Variants in DHRS12 observed in about 807,000 individuals in gnomAD.
DHRS12 encodes the protein dehydrogenase/reductase SDR family member 12.
A neutral mutation model predicts 32.1 loss-of-function variants in DHRS12; 29 were observed. That is an observed-to-expected ratio of 0.90 (90% CI 0.67 to 1.23). DHRS12 has a LOEUF of 1.23. Ranked by LOEUF, DHRS12 falls within the 50% of genes most tolerant of loss-of-function variation. DHRS12 has a pLI of 0.00. For missense variants in DHRS12, 330 were observed against 337.2 expected (o/e 0.98, Z 0.17); for synonymous variants, 150 against 135.9 (o/e 1.10, Z -0.72).
downstream of DHRS12, chr13:51,763,150 A>C (rs1196515141): frequency 6.6e-6 from 1 of 152,232 alleles, no homozygotes; most frequent in African/African-American, 2.4e-5. Flanking sequence ...AAACAAGAGA[A>C]TCTAAAAGAA....
chr13:51,769,378 G>C, intron 7 of DHRS12, 85 bp from the exon 8 acceptor site: 1 of 976,128 alleles, frequency 1.0e-6, no homozygotes, highest in Non-Finnish European at 1.4e-6. Context: ...AAAAAAAAAA[G>C]TGCAAAAATG....
At chr13:51,759,841 G>C in the DHRS12 span, 3 of 1,481,686 alleles carry the variant, frequency 2.0e-6, no homozygotes, top group Non-Finnish European at 2.8e-6. Context: ...CATTACCAGA[G>C]TGGTAAAGCA....
intron 2 of DHRS12, among the ~76,000 whole-genome samples, chr13:51,798,170 T>C (rs1955594652): frequency 6.6e-6 from 1 of 152,152 alleles, no homozygotes; most frequent in Admixed American, 6.5e-5. Flanking sequence ...GAAACATTGA[T>C]CTGGGTCACA....
chr13:51,780,851 AATT>A (rs1954672510), intron 4 of DHRS12, among the ~76,000 whole-genome samples: 4 of 152,274 alleles, frequency 2.6e-5, no homozygotes. Flanking sequence ...CATTAAAGGT[AATT>A]ATTTTTAATG....
At chr13:51,778,908 T>C (rs1954571023) in intron 4 of DHRS12, among the ~76,000 whole-genome samples, 1 of 152,170 alleles carries the variant, frequency 6.6e-6, no homozygotes, top group African/African-American at 2.4e-5. Flanking sequence ...TGCATACATA[T>C]GTGTGTACAC....
At chr13:51,760,574 G>A in the DHRS12 span, 1 of 152,146 alleles carries the variant, frequency 6.6e-6, no homozygotes, top group Non-Finnish European at 1.5e-5. Context: ...GGAGCCTCCT[G>A]AGCCTCTTGT....
Position 51,803,988 on chromosome 13 carries a change from T to G in DHRS12, c.-9+66A>C, listed in dbSNP as rs1955877988. ...GCCGCGGGCGCGTCCCCGCCAACCC[T>G]GCTCGCCCGCGCCGAGGCGGGCCAC... is the stretch of plus-strand genomic sequence containing the variant. On this transcript the variant is annotated intron_variant, in intron 1 of 8. Coordinates refer to ENST00000444610, the MANE Select transcript of DHRS12 (RefSeq NM_001377533.1). 5 of 1,374,454 alleles carry G rather than the reference T, an allele frequency of 3.6e-6. No homozygotes were observed. In the South Asian group the frequency reaches 7.7e-5, roughly 21 times the overall value. The allele number at this position is 1,374,454 out of a possible 1,614,324, so 85.1% of individuals were successfully genotyped here.
At chr13:51,798,445 G>A (rs1955605667) in intron 2 of DHRS12, among the ~76,000 whole-genome samples, 1 of 152,170 alleles carries the variant, frequency 6.6e-6, no homozygotes, top group South Asian at 2.1e-4. Context: ...CATCAATCAA[G>A]GTCAATTTAA....
At chr13:51,790,144 C>A (rs2139278118) in intron 3 of DHRS12, 52 bp from the exon 4 acceptor site, 2 of 1,440,058 alleles carry the variant, frequency 1.4e-6, no homozygotes, top group East Asian at 4.8e-5. Context: ...GCCAAAAGAC[C>A]TATTTCCATC....
intron 4 of DHRS12, among the ~76,000 whole-genome samples, chr13:51,781,301 G>GT (rs1446604954): frequency 6.6e-6 from 1 of 152,172 alleles, no homozygotes. Context: ...AGTGGTTAGC[G>GT]TGAGTCAGGC....
At position 51,769,186 on chromosome 13, in the gene DHRS12, C is replaced by T. The variant is rs1787368197; in HGVS notation, c.667G>A (p.Ala223Thr). Reference sequence around the variant, plus strand: ...AAGAAGCGGCCGCTGGGCTGTGCGGCTGCGGCAGAGGAGAGGGCCAGCCAC... The same window carrying T: ...AAGAAGCGGCCGCTGGGCTGTGCGGTTGCGGCAGAGGAGAGGGCCAGCCAC... ...MLWLALSSAA[A>T]AQPSGRFFQD... Residue 223 changes from alanine (A) to threonine (T), a missense_variant, in exon 8 of 9, where the codon GCC becomes ACC. Physicochemically the swap from Ala to Thr is moderately conservative, Grantham distance 58 (BLOSUM62 0). Transcript: ENST00000444610. 3.2e-6 allele frequency: 5 copies of T among 1,556,230 alleles called. No individual in the cohort carries two copies. Among genetic ancestry groups the T allele is most frequent in the Non-Finnish European group, 4.3e-6 (5 of 1,151,056 alleles).
chr13:51,772,262 G>A (rs538463655), intron 6 of DHRS12, among the ~76,000 whole-genome samples: 1 of 152,250 alleles, frequency 6.6e-6, no homozygotes, highest in South Asian at 2.1e-4. Context: ...CTCACTGAGG[G>A]CAGGGGTGGT....
the DHRS12 span, chr13:51,755,595 A>G: frequency 1.3e-6 from 1 of 778,024 alleles, no homozygotes; most frequent in Admixed American, 2.2e-5. Flanking sequence ...TCGTGATTGC[A>G]CAGTAATTTA....
chr13:51,797,536 G>A (rs536777656), intron 2 of DHRS12, among the ~76,000 whole-genome samples: 1 of 152,304 alleles, frequency 6.6e-6, no homozygotes, highest in South Asian at 2.1e-4. Context: ...CTGAGGTGAG[G>A]AGACTGGAAG....
At chr13:51,769,117 C>T in intron 8 of DHRS12, 39 bp downstream of exon 8, 2 of 1,548,536 alleles carry the variant, frequency 1.3e-6, no homozygotes, top group East Asian at 2.4e-5. Flanking sequence ...CTGCCCCTAG[C>T]CCTGTGTCAG....
intron 3 of DHRS12, among the ~76,000 whole-genome samples, 175 bp from the exon 4 acceptor site, chr13:51,790,267 AGAG>A (rs1955206491): frequency 1.3e-5 from 2 of 152,206 alleles, no homozygotes; most frequent in African/African-American, 4.8e-5. Context: ...CCACTTGTGC[AGAG>A]GATTCAGCCA....
At chr13:51,794,436 C>T (rs537813420) in intron 2 of DHRS12, among the ~76,000 whole-genome samples, 1 of 152,188 alleles carries the variant, frequency 6.6e-6, no homozygotes, top group African/African-American at 2.4e-5. Flanking sequence ...CATAAAACCA[C>T]TGAGGTCTTG....
downstream of DHRS12, chr13:51,767,990 G>C: frequency 7.2e-7 from 1 of 1,381,886 alleles, no homozygotes; most frequent in Non-Finnish European, 9.3e-7. Context: ...CCTGCTGCAG[G>C]AGTTCAAGGT....
chr13:51,761,441 C>T, the DHRS12 span: 1 of 152,240 alleles, frequency 6.6e-6, no homozygotes, highest in Non-Finnish European at 1.5e-5. Flanking sequence ...CATTCAACCT[C>T]ACGTGTCGGG....
Sources: gnomAD v4.1 joint callset for allele counts (sites outside exome capture counted in the v4.1 genomes callset) on GRCh38, gnomAD v4.1.1 for gene constraint, MANE v1.5 for transcripts, NCBI Gene and HGNC (gene_info 2026-07-23, HGNC 2026-07-21) for gene names.